The following CLPTM1L variants were observed in gnomAD, a reference collection of about 807,000 sequenced individuals.
CLPTM1L encodes lipid scramblase CLPTM1L.
A neutral mutation model predicts 70.9 loss-of-function variants in CLPTM1L; 38 were observed. That is an observed-to-expected ratio of 0.54 (90% CI 0.41 to 0.70). The LOEUF is 0.70. Ranked by LOEUF, CLPTM1L falls within the 30% of genes least tolerant of loss-of-function variation. The probability of loss-of-function intolerance (pLI) is 0.00; values close to 1 mark genes in which losing one functional copy is unlikely to be tolerated. For synonymous variants in CLPTM1L, 339 were observed against 299.9 expected, an observed-to-expected ratio of 1.13 and a Z score of -1.35; for missense variants, 652 against 705.9, an observed-to-expected ratio of 0.92 and a Z score of 0.87.
rs371077751 is a variant in CLPTM1L, at chr5:1,333,268, C to T, written c.891+1021G>A. On this transcript the variant is annotated intron_variant, in intron 7 of 16. Transcript: ENST00000320895. ...ATACACACCAGATAAGGGGGGACTACTGTATACACACCAGATGAGGATAAG... is the reference window on the plus strand; with the variant it reads ...ATACACACCAGATAAGGGGGGACTATTGTATACACACCAGATGAGGATAAG... Among the ~76,000 whole-genome samples the T allele has an allele frequency of 2.5e-5, 3 of 118,534 alleles. 1 individual carries two copies. Among genetic ancestry groups the T allele is most frequent in the African/African-American group, 7.6e-5 (2 of 26,242 alleles). The allele number at this position is 118,534 out of a possible 152,430, so 77.8% of individuals were successfully genotyped here. A position where few individuals can be genotyped will look rare whatever the true frequency, so the allele number is the denominator to read the frequency against.
In CLPTM1L at chr5:1,317,951, C is replaced by G. The variant is rs1002217781; in HGVS notation, c.*418G>C. 1.2e-5 allele frequency: 2 copies of G among 172,352 alleles called. No homozygotes were observed. Among genetic ancestry groups the G allele is most frequent in the East Asian group, 3.1e-4 (2 of 6,424 alleles). 10.7% of individuals were successfully genotyped at this position (172,352 alleles called of 1,614,324 possible). ...AACTCTCAAACAAAAGAGGAAAGAG[C>G]CTTTGATCCCAGAGTCCATGCGGAA... On this transcript the variant is annotated 3_prime_UTR_variant, in exon 17 of 17. Coordinates refer to ENST00000320895, the MANE Select transcript of CLPTM1L (RefSeq NM_030782.5).
intron 3 of CLPTM1L, 117 bp from the exon 4 acceptor site, chr5:1,339,122 G>A: frequency 2.5e-6 from 3 of 1,219,048 alleles, no homozygotes; most frequent in Non-Finnish European, 3.4e-6. Flanking sequence ...ACTGTGCCCG[G>A]GACAGCAGGG....
At chr5:1,335,465 C>T (rs371479080) in intron 5 of CLPTM1L, among the ~76,000 whole-genome samples, 73 of 152,324 alleles carry the variant, frequency 4.8e-4, no homozygotes, top group African/African-American at 1.4e-3. Flanking sequence ...AATTTTAAGC[C>T]GCACAAGTCC....
intron 10 of CLPTM1L, 171 bp from the exon 11 acceptor site, chr5:1,324,984 A>G (rs1008869797): frequency 1.6e-6 from 1 of 631,756 alleles, no homozygotes; most frequent in Non-Finnish European, 2.8e-6. Context: ...GGGGATCCGC[A>G]TGGATCCTTC....
At chr5:1,338,055 A>G (rs1219871677) in intron 4 of CLPTM1L, 73 bp from the exon 5 acceptor site, 1 of 1,263,110 alleles carries the variant, frequency 7.9e-7, no homozygotes, top group South Asian at 1.3e-5. Flanking sequence ...ACATCCAGAC[A>G]CTGGGTTTAC....
intron 5 of CLPTM1L, among the ~76,000 whole-genome samples, 188 bp from the exon 6 acceptor site, chr5:1,335,362 G>A (rs575085353): frequency 3.3e-5 from 5 of 152,314 alleles, no homozygotes. Context: ...AGCGTGCTGC[G>A]TTCCAGCACA....
intron 5 of CLPTM1L, among the ~76,000 whole-genome samples, chr5:1,336,013 G>A (rs563148517): frequency 6.6e-6 from 1 of 152,246 alleles, no homozygotes; most frequent in African/African-American, 2.4e-5. Context: ...GCTCTGCTAT[G>A]GCGGGCACTG....
At chr5:1,337,880 C>G (rs761860583) in intron 5 of CLPTM1L, 24 bp downstream of exon 5, 2 of 1,562,454 alleles carry the variant, frequency 1.3e-6, no homozygotes, top group East Asian at 4.6e-5. Context: ...AGCTGCACAA[C>G]CAGCGGGCAG....
At chr5:1,334,991 C>A (rs1398827373) in intron 6 of CLPTM1L, 66 bp downstream of exon 6, 5 of 1,254,108 alleles carry the variant, frequency 4.0e-6, no homozygotes, top group Admixed American at 1.8e-5. Context: ...TGTCAGGATT[C>A]GCACTTGGAT....
chr5:1,323,975 C>T (rs530786660), intron 11 of CLPTM1L, 106 bp from the exon 12 acceptor site: 8 of 890,298 alleles, frequency 9.0e-6, no homozygotes, highest in Middle Eastern at 2.9e-4. Context: ...CGAGCTACAG[C>T]GCTCAGGGTG....
In CLPTM1L at chr5:1,339,013, G is replaced by A. The variant is rs369683228; in HGVS notation, c.454-8C>T. ...CTTCTCCGCCTCGATCTGCTGTTAA[G>A]TGAGGAAAACAGAGGCCAATGCTGG... On this transcript the variant is annotated splice_region_variant and splice_polypyrimidine_tract_variant and intron_variant, in intron 3 of 16. Transcript: ENST00000320895. 62 of 1,611,504 alleles carry A rather than the reference G, an allele frequency of 3.8e-5. No homozygotes were observed. Among genetic ancestry groups the A allele is most frequent in the Non-Finnish European group, 5.3e-5 (62 of 1,178,780 alleles).
At chr5:1,319,297 G>C (rs1032584303) in intron 16 of CLPTM1L, among the ~76,000 whole-genome samples, 3 of 134,934 alleles carry the variant, frequency 2.2e-5, no homozygotes, top group South Asian at 2.5e-4. Context: ...TGGTGAAATA[G>C]CCCTTCCCGC....
intron 13 of CLPTM1L, among the ~76,000 whole-genome samples, chr5:1,322,229 C>T (rs1320337572): frequency 6.6e-6 from 1 of 152,196 alleles, no homozygotes; most frequent in African/African-American, 2.4e-5. Context: ...GACAGGCCCT[C>T]GCCCTTAATG....
At chr5:1,321,600 G>A in intron 15 of CLPTM1L, 35 bp downstream of exon 15, 3 of 1,601,772 alleles carry the variant, frequency 1.9e-6, no homozygotes, top group African/African-American at 1.3e-5. Context: ...GCTCTGCTCA[G>A]TGAGAAGGGA....
chr5:1,321,933 G>T, intron 13 of CLPTM1L, 114 bp from the exon 14 acceptor site: 2 of 928,166 alleles, frequency 2.2e-6, no homozygotes, highest in Middle Eastern at 3.1e-4. Context: ...TGCATAGTGG[G>T]CAGAAAACAA....
chr5:1,330,514 C>T (rs1753018288), intron 8 of CLPTM1L, 131 bp from the exon 9 acceptor site: 4 of 645,488 alleles, frequency 6.2e-6, no homozygotes, highest in Non-Finnish European at 1.1e-5. Flanking sequence ...CTCCCCAGTC[C>T]ACGTCACCCC....
At chr5:1,336,370 G>GT (rs1229899805) in intron 5 of CLPTM1L, among the ~76,000 whole-genome samples, 1 of 152,216 alleles carries the variant, frequency 6.6e-6, no homozygotes, top group Non-Finnish European at 1.5e-5. Context: ...GTCGGCACAC[G>GT]TGTCTCCATA....
chr5:1,334,686 G>A (rs1023463696), intron 6 of CLPTM1L, among the ~76,000 whole-genome samples: 9 of 152,094 alleles, frequency 5.9e-5, no homozygotes, highest in African/African-American at 1.9e-4. Context: ...TCCGGGGGGC[G>A]GAGGCTGCAG....
At chr5:1,344,566 C>T in intron 1 of CLPTM1L, 114 bp downstream of exon 1, 1 of 1,452,500 alleles carries the variant, frequency 6.9e-7, no homozygotes. Flanking sequence ...AGGAAAGGTT[C>T]CATCTCGACT....
Sources: allele counts gnomAD v4.1 joint callset (sites outside exome capture counted in the v4.1 genomes callset), GRCh38; gene constraint gnomAD v4.1.1; transcripts MANE v1.5; gene names NCBI Gene and HGNC (gene_info 2026-07-23, HGNC 2026-07-21).